CDH23: variants seen among roughly 807,000 people sequenced by gnomAD.
CDH23 encodes cadherin-23.
In CDH23, 189 loss-of-function variants were observed where a neutral mutation model predicts 317.1. That is an observed-to-expected ratio of 0.60 (90% CI 0.53 to 0.67). The LOEUF (loss-of-function observed/expected upper bound fraction) is 0.67. Among genes scored for constraint, CDH23 ranks in the 30% least tolerant of loss-of-function variants. The pLI, the probability that CDH23 is intolerant of heterozygous loss-of-function variation, is 0.00. For missense variants in CDH23, 4,401 were observed against 4,592.4 expected, an observed-to-expected ratio of 0.96 and a Z score of 1.20; for synonymous variants, 1,839 against 1,876.8, an observed-to-expected ratio of 0.98 and a Z score of 0.52.
At position 71,730,573 on chromosome 10, in the gene CDH23, C is replaced by T. The variant is rs373091912; in HGVS notation, c.3684C>T (p.Val1228=). Residue 1228 remains valine (V), a synonymous_variant, in exon 31 of 70, where the codon GTC becomes GTT. Transcript: ENST00000224721. ...LRETAGIGTS[V]IVVQATDRDS... ...AGACCGCAGGCATTGGAACGTCAGT[C>T]ATCGTGGTCCAAGCCACAGACCGAG... The T allele has an allele frequency of 8.1e-6, 13 of 1,613,896 alleles. No homozygotes were observed. In the African/African-American group the frequency reaches 1.2e-4, roughly 15 times the overall value.
At chr10:71,593,651 A>G (rs1464982638) in intron 9 of CDH23, among the ~76,000 whole-genome samples, 3 of 152,230 alleles carry the variant, frequency 2.0e-5, no homozygotes, top group African/African-American at 7.2e-5. Flanking sequence ...CAGGATATTC[A>G]TAGAGTGGGA....
chr10:71,466,879 T>A (rs535364296), intron 3 of CDH23, among the ~76,000 whole-genome samples: 1 of 150,948 alleles, frequency 6.6e-6, no homozygotes, highest in Non-Finnish European at 1.5e-5. Context: ...ATGAGGGGTG[T>A]GTGTGTGTGT....
At chr10:71,446,831 TC>T (rs2132024789) in intron 3 of CDH23, among the ~76,000 whole-genome samples, 1 of 152,322 alleles carries the variant, frequency 6.6e-6, no homozygotes, top group East Asian at 1.9e-4. Context: ...GCTCAGCCCG[TC>T]GCCCCATCAC....
At chr10:71,640,678 C>T (rs10466024) in intron 11 of CDH23, among the ~76,000 whole-genome samples, 78,056 of 151,858 alleles carry the variant, frequency 0.51, 21,021 homozygotes, top group Non-Finnish European at 0.62. Context: ...GACTGGGACT[C>T]GGGAGGCAGA....
At chr10:71,742,215 C>T (rs1001626331) in intron 38 of CDH23, among the ~76,000 whole-genome samples, 5 of 152,162 alleles carry the variant, frequency 3.3e-5, no homozygotes, top group African/African-American at 1.2e-4. Context: ...CAGGTTGAGC[C>T]TCTGTATTGG....
chr10:71,707,120 G>A (rs1360237725), intron 26 of CDH23, 71 bp downstream of exon 26: 4 of 1,558,590 alleles, frequency 2.6e-6, no homozygotes, highest in Middle Eastern at 1.7e-4. Flanking sequence ...CAGATGGACA[G>A]CCAGACTAGG....
chr10:71,727,089 G>A (rs187057320), intron 30 of CDH23, among the ~76,000 whole-genome samples: 2 of 152,300 alleles, frequency 1.3e-5, no homozygotes, highest in South Asian at 2.1e-4. Flanking sequence ...ACACGTGCCC[G>A]ATATTTTTCT....
At chr10:71,710,812 C>T (rs547908721) in intron 27 of CDH23, among the ~76,000 whole-genome samples, 152 of 152,350 alleles carry the variant, frequency 1.0e-3, no homozygotes, top group African/African-American at 3.2e-3. Flanking sequence ...GTGCATGCAC[C>T]GCAGCTGGCC....
chr10:71,720,420 A>AACACACACACAC (rs57346519), intron 28 of CDH23, among the ~76,000 whole-genome samples: 4,761 of 145,754 alleles, frequency 0.033, 291 homozygotes, highest in African/African-American at 0.12. Flanking sequence ...CTCTTTCCAA[A>AACACACACACAC]ACACACACAC....
chr10:71,610,125 T>C (rs1339009856), intron 9 of CDH23, among the ~76,000 whole-genome samples: 1 of 152,168 alleles, frequency 6.6e-6, no homozygotes, highest in South Asian at 2.1e-4. Flanking sequence ...CTGCTCAGCC[T>C]CCCGAGTAGC....
intron 3 of CDH23, among the ~76,000 whole-genome samples, chr10:71,495,089 C>T (rs1852887711): frequency 6.6e-6 from 1 of 152,200 alleles, no homozygotes; most frequent in South Asian, 2.1e-4. Flanking sequence ...GCTGGACCCC[C>T]ACTTCCCTGT....
At chr10:71,479,033 G>C (rs1254482925) in intron 3 of CDH23, among the ~76,000 whole-genome samples, 1 of 152,170 alleles carries the variant, frequency 6.6e-6, no homozygotes, top group Non-Finnish European at 1.5e-5. Flanking sequence ...CCACTTCAAG[G>C]AGGGGACTTC....
intron 55 of CDH23, 145 bp from the exon 56 acceptor site, chr10:71,805,661 C>A (rs1841690366): frequency 6.4e-6 from 5 of 776,180 alleles, no homozygotes; most frequent in Middle Eastern, 3.3e-4. Flanking sequence ...GAGAATCCAG[C>A]CGAGCAGGCA....
rs1246395693 is a variant in CDH23 at position 71,573,579 on chromosome 10, A to G, written c.753+2661A>G. On this transcript the variant is annotated intron_variant, in intron 8 of 69. Transcript: ENST00000224721. The stretch of plus-strand genomic sequence containing the variant: ...TTAGCTTCCGGTCTCCTGATGCTCC[A>G]TTTCTTGGCATATGCTGTGATTCTC... Among the ~76,000 whole-genome samples, 3 of 152,140 alleles carry G rather than the reference A, an allele frequency of 2.0e-5. No homozygotes were observed. The East Asian group carries it at 5.8e-4, about 29-fold the overall frequency.
chr10:71,573,027 C>T (rs528893710), intron 8 of CDH23, among the ~76,000 whole-genome samples: 5 of 152,344 alleles, frequency 3.3e-5, no homozygotes, highest in East Asian at 3.9e-4. Context: ...CTGAATCAAA[C>T]GGCCTCCTGA....
chr10:71,427,245 G>GAAA (rs1491574912), intron 1 of CDH23, among the ~76,000 whole-genome samples: 1,689 of 25,350 alleles, frequency 0.067, 116 homozygotes, highest in African/African-American at 0.2. Context: ...AAGAAAGAAA[G>GAAA]GGAAAGAAAG....
chr10:71,536,233 C>T (rs950882761), intron 6 of CDH23, among the ~76,000 whole-genome samples: 6 of 152,186 alleles, frequency 3.9e-5, no homozygotes, highest in Non-Finnish European at 5.9e-5. Context: ...AAGGAGGGCT[C>T]GAGGCACCCT....
At chr10:71,589,459 A>C (rs1859317087) in intron 9 of CDH23, among the ~76,000 whole-genome samples, 1 of 152,200 alleles carries the variant, frequency 6.6e-6, no homozygotes, top group Non-Finnish European at 1.5e-5. Context: ...GGAGGAGGAG[A>C]AAAGAAAGCT....
At position 71,728,098 on chromosome 10, in the gene CDH23, G is replaced by C. The variant is rs1296516642; in HGVS notation, c.3580-2371G>C. On this transcript the variant is annotated intron_variant, in intron 30 of 69. Transcript: ENST00000224721. Reference sequence around the variant, plus strand: ...GGAGTCAAGGTCATTTGGACAAGCAGATTGAGGAAGGGTAAGGCGCACAGT... The same window carrying C: ...GGAGTCAAGGTCATTTGGACAAGCACATTGAGGAAGGGTAAGGCGCACAGT... 7.2e-5 allele frequency among the ~76,000 whole-genome samples: 11 copies of C among 152,148 alleles called. 1 individual carries two copies.
Sources: gnomAD v4.1 joint callset for allele counts (sites outside exome capture counted in the v4.1 genomes callset) on GRCh38, gnomAD v4.1.1 for gene constraint, MANE v1.5 for transcripts, NCBI Gene and HGNC (gene_info 2026-07-23, HGNC 2026-07-21) for gene names.